Variants in CCDC178 observed in about 807,000 individuals in gnomAD.
CCDC178 encodes coiled-coil domain containing 178, also known as coiled-coil domain-containing protein 178.
CCDC178 carries 126 observed loss-of-function variants against 117.4 expected under a neutral mutation model. That is an observed-to-expected ratio of 1.07 (90% CI 0.93 to 1.24). CCDC178 has a LOEUF of 1.24. Ranked by LOEUF, CCDC178 falls within the 50% of genes most tolerant of loss-of-function variation. The pLI is 0.00. For synonymous variants in CCDC178, 283 were observed against 313.4 expected (o/e 0.90, Z 1.02); for missense variants, 1,030 against 986.9 (o/e 1.04, Z -0.59).
At position 33,050,565 on chromosome 18, in the gene CCDC178, A is replaced by C. The variant is rs181571518; in HGVS notation, c.2388+42196T>G. On this transcript the variant is annotated intron_variant, in intron 21 of 22. Transcript: ENST00000383096. ...GAGCAAGCAACAAAAACAAACAAAC[A>C]AACCCAAGCCTTATGCAATGCAGAG... 1.4e-3 allele frequency among the ~76,000 whole-genome samples: 216 copies of C among 152,322 alleles called. 1 individual carries two copies. Among genetic ancestry groups the C allele is most frequent in the Middle Eastern group, 0.01 (3 of 294 alleles).
intron 14 of CCDC178, among the ~76,000 whole-genome samples, chr18:33,258,569 C>G (rs751919202): frequency 1.3e-5 from 2 of 152,132 alleles, no homozygotes; most frequent in African/African-American, 2.4e-5. Context: ...ACAATTTTAA[C>G]TATATATTCA....
At chr18:33,354,481 T>C (rs1281969611) in intron 7 of CCDC178, among the ~76,000 whole-genome samples, 1 of 152,188 alleles carries the variant, frequency 6.6e-6, no homozygotes, top group Non-Finnish European at 1.5e-5. Context: ...GTCTTTCTTG[T>C]TTCTTAGACT....
chr18:33,211,936 A>G lies in CCDC178; in HGVS notation c.2198T>C (p.Val733Ala), dbSNP rs1441796349. The G allele has an allele frequency of 6.2e-7, 1 of 1,608,428 alleles. No individual in the cohort carries two copies. The highest frequency in any genetic ancestry group is 1.7e-5 in the Admixed American group (1 of 59,196). The part of the protein sequence containing the change: ...RIFEEDQRFR[V>A]LLAVRQKTLQ... ...AGTTTTTTGTCTTACAGCAAGGAGC[A>G]CTCTAAATCTCTGATCTTCCTCAAA... The change falls in exon 20 of 23, where the codon GTG becomes GCG. Residue 733 changes from valine to alanine, a missense_variant. Val to Ala is a moderately conservative substitution (Grantham distance 64). Coordinates refer to ENST00000383096, the MANE Select transcript of CCDC178 (RefSeq NM_001105528.4).
At chr18:33,228,855 A>G (rs2059338732) in intron 15 of CCDC178, among the ~76,000 whole-genome samples, 1 of 152,194 alleles carries the variant, frequency 6.6e-6, no homozygotes, top group South Asian at 2.1e-4. Flanking sequence ...TGGTCTACCC[A>G]AAGCACTGGG....
At chr18:32,969,256 G>A (rs1274241681) in intron 22 of CCDC178, among the ~76,000 whole-genome samples, 1 of 151,924 alleles carries the variant, frequency 6.6e-6, no homozygotes. Context: ...ACAGATACTT[G>A]CACAAAGAGG....
At chr18:33,234,032 C>T (rs973647086) in intron 15 of CCDC178, among the ~76,000 whole-genome samples, 8 of 152,010 alleles carry the variant, frequency 5.3e-5, no homozygotes, top group Middle Eastern at 3.4e-3. Context: ...AATTATGTTC[C>T]CATATGATAT....
In CCDC178 at chr18:33,278,139, C is replaced by T. The variant is rs554526037; in HGVS notation, c.1177-10842G>A. On this transcript the variant is annotated intron_variant, in intron 12 of 22. Transcript: ENST00000383096. ...AAGTACAGATGAAACTATATAGGTT[C>T]GATATATCCTGGGGTGAAATGTCTT... is the stretch of plus-strand genomic sequence containing the variant. Among the ~76,000 whole-genome samples the T allele has an allele frequency of 1.9e-4, 29 of 151,482 alleles. No individual in the cohort carries two copies. In the South Asian group the frequency reaches 2.5e-3, roughly 13 times the overall value.
intron 22 of CCDC178, chr18:32,956,634 G>T (rs1488981249): frequency 6.6e-6 from 1 of 152,048 alleles, no homozygotes. Context: ...TTCTTTCCAG[G>T]GTTATTTGTG....
At chr18:33,401,921 A>G (rs1456132778) in intron 3 of CCDC178, among the ~76,000 whole-genome samples, 1 of 152,180 alleles carries the variant, frequency 6.6e-6, no homozygotes, top group East Asian at 1.9e-4. Context: ...TTTGGTAATA[A>G]AAATGTAAAG....
chr18:32,990,724 A>T (rs1165337365), intron 21 of CCDC178, among the ~76,000 whole-genome samples: 2 of 152,084 alleles, frequency 1.3e-5, no homozygotes, highest in Non-Finnish European at 2.9e-5. Context: ...AACACCATGA[A>T]AATGAAAAAG....
chr18:33,419,862 T>C lies in CCDC178; in HGVS notation c.-22-7752A>G, dbSNP rs180992635. Among the ~76,000 whole-genome samples the C allele has an allele frequency of 3.8e-3, 574 of 151,906 alleles. 1 individual carries two copies. Among genetic ancestry groups the C allele is most frequent in the Non-Finnish European group, 6.7e-3 (458 of 67,970 alleles). On this transcript the variant is annotated intron_variant, in intron 2 of 22. Transcript: ENST00000383096. ...CTGTGGAAAGCAGTTGGATGATTTT[T>C]CAAAGAACTCAAAACAGAATTACCA...
At chr18:33,373,322 T>C (rs190693864) in intron 5 of CCDC178, among the ~76,000 whole-genome samples, 2 of 152,280 alleles carry the variant, frequency 1.3e-5, no homozygotes, top group Admixed American at 1.3e-4. Flanking sequence ...TGTTTGGTGT[T>C]CACTTACTGC....
chr18:33,162,291 C>A (rs953130920), intron 20 of CCDC178, among the ~76,000 whole-genome samples: 3 of 152,050 alleles, frequency 2.0e-5, no homozygotes, highest in Non-Finnish European at 4.4e-5. Context: ...ATGTAACTAA[C>A]CTGCACGTTG....
intron 22 of CCDC178, among the ~76,000 whole-genome samples, chr18:32,973,848 G>A (rs1160366247): frequency 2.0e-5 from 3 of 152,030 alleles, no homozygotes; most frequent in East Asian, 1.9e-4. Flanking sequence ...GGTAGTATGT[G>A]TTTTTCTTTG....
intron 20 of CCDC178, among the ~76,000 whole-genome samples, chr18:33,184,506 A>C (rs1473889640): frequency 1.3e-5 from 2 of 151,992 alleles, no homozygotes; most frequent in Non-Finnish European, 2.9e-5. Context: ...ATATACATAC[A>C]TTACTGCCAT....
chr18:33,323,329 T>C, intron 11 of CCDC178, 162 bp downstream of exon 11: 1 of 383,724 alleles, frequency 2.6e-6, no homozygotes, highest in Non-Finnish European at 4.5e-6. Flanking sequence ...ATGAAATATA[T>C]ATCTTTTTAT....
chr18:32,954,954 C>T (rs943902311), intron 22 of CCDC178, among the ~76,000 whole-genome samples: 1 of 152,040 alleles, frequency 6.6e-6, no homozygotes, highest in Non-Finnish European at 1.5e-5. Context: ...TACTCCTTTG[C>T]TATCTCTCAA....
intron 5 of CCDC178, among the ~76,000 whole-genome samples, chr18:33,383,266 C>G (rs1473268686): frequency 6.6e-6 from 1 of 152,090 alleles, no homozygotes; most frequent in Non-Finnish European, 1.5e-5. Context: ...TGGCTGTGGT[C>G]TCAGGTTCAG....
At chr18:33,018,643 A>G (rs970773136) in intron 21 of CCDC178, among the ~76,000 whole-genome samples, 4 of 152,168 alleles carry the variant, frequency 2.6e-5, no homozygotes, top group Non-Finnish European at 5.9e-5. Context: ...ACGAAAGGCT[A>G]TATCTACATA....
Sources: gnomAD v4.1 joint callset for allele counts (sites outside exome capture counted in the v4.1 genomes callset) on GRCh38, gnomAD v4.1.1 for gene constraint, MANE v1.5 for transcripts, NCBI Gene and HGNC (gene_info 2026-07-23, HGNC 2026-07-21) for gene names.